NFAM1: variants seen among roughly 807,000 people sequenced by gnomAD.
The protein encoded by NFAM1 is NFAT activation molecule 1.
A neutral mutation model predicts 29.0 loss-of-function variants in NFAM1; 17 were observed. The observed-to-expected ratio is 0.59, with a 90% CI of 0.40 to 0.88. The LOEUF (loss-of-function observed/expected upper bound fraction) is 0.88. Ranked by LOEUF, NFAM1 falls within the 40% of genes least tolerant of loss-of-function variation. NFAM1 has a pLI of 0.00. For synonymous variants in NFAM1, 175 were observed against 147.2 expected (o/e 1.19, Z -1.36); for missense variants, 324 against 344.6 (o/e 0.94, Z 0.47).
intron 1 of NFAM1, among the ~76,000 whole-genome samples, chr22:42,427,008 T>C (rs1420525932): frequency 6.6e-6 from 1 of 152,024 alleles, no homozygotes; most frequent in East Asian, 1.9e-4. Context: ...TTCAGCGTAC[T>C]CCAGAGACTT....
intron 1 of NFAM1, among the ~76,000 whole-genome samples, chr22:42,412,233 A>C (rs1268078274): frequency 6.6e-6 from 1 of 151,974 alleles, no homozygotes; most frequent in Admixed American, 6.6e-5. Context: ...AGTCCGTCTC[A>C]GAAAAAAAAA....
chr22:42,388,764 TGG>T lies in NFAM1; in HGVS notation c.664-1688_664-1687del, dbSNP rs1388515206. Among the ~76,000 whole-genome samples, 2 of 152,072 alleles carry T rather than the reference TGG, an allele frequency of 1.3e-5. No individual in the cohort carries two copies. Among genetic ancestry groups the T allele is most frequent in the Middle Eastern group, 6.3e-3 (2 of 316 alleles). On this transcript the variant is annotated intron_variant, in intron 4 of 5. Coordinates refer to ENST00000329021, the MANE Select transcript of NFAM1 (RefSeq NM_145912.8). This position sits in a 1 kb window ranked among gnomAD's most constrained non-coding sequence, Gnocchi z 4.1. ...TCAAGGGCATCAGACATGGGGATGG[TGG>T]GGCGGCCCTGAGGACGAGTTCAAGG... is the stretch of plus-strand genomic sequence containing the variant.
intron 1 of NFAM1, among the ~76,000 whole-genome samples, chr22:42,431,748 C>G (rs757791542): frequency 6.6e-6 from 1 of 152,164 alleles, no homozygotes; most frequent in Non-Finnish European, 1.5e-5. Flanking sequence ...TGCCTCTGGG[C>G]GCAGAGCCCT....
upstream of NFAM1, among the ~76,000 whole-genome samples, chr22:42,434,624 C>T (rs186020359): frequency 7.9e-5 from 12 of 152,308 alleles, no homozygotes; most frequent in East Asian, 7.7e-4. Flanking sequence ...AAAACCGCAG[C>T]GCATCCAGGA....
intron 1 of NFAM1, among the ~76,000 whole-genome samples, chr22:42,422,234 C>T (rs556101392): frequency 2.6e-5 from 4 of 152,146 alleles, no homozygotes; most frequent in African/African-American, 4.8e-5. Flanking sequence ...AAGTGCAGAA[C>T]GTCCAAGGTT....
rs534539376 is a variant in NFAM1, at chr22:42,417,640, G to A, written c.122-5904C>T. Among the ~76,000 whole-genome samples the A allele has an allele frequency of 1.6e-4, 24 of 152,296 alleles. 1 individual carries two copies. The South Asian group carries it at 5.0e-3, about 32-fold the overall frequency. Reference sequence around the variant, plus strand: ...TTGGGGCAGAGAGTGAGGAGGGGCTGGTGAGGACCTGAACTCTCCTGCCTG... The same window carrying A: ...TTGGGGCAGAGAGTGAGGAGGGGCTAGTGAGGACCTGAACTCTCCTGCCTG... On this transcript the variant is annotated intron_variant, in intron 1 of 5. Coordinates refer to ENST00000329021, the MANE Select transcript of NFAM1 (RefSeq NM_145912.8).
chr22:42,408,931 G>C (rs977171373), intron 3 of NFAM1, among the ~76,000 whole-genome samples: 4 of 152,172 alleles, frequency 2.6e-5, no homozygotes, highest in Admixed American at 2.6e-4. Flanking sequence ...CTGTGAAATG[G>C]GAAAAAACCT....
In NFAM1 at chr22:42,385,348, C is replaced by G. The variant is rs1455757225; in HGVS notation, c.754-128G>C. The G allele has an allele frequency of 4.2e-6, 3 of 719,126 alleles. No homozygotes were observed. The Admixed American group carries it at 6.0e-5, about 14-fold the overall frequency. The allele number at this position is 719,126 out of a possible 1,614,324, so 44.5% of individuals were successfully genotyped here. The stretch of plus-strand genomic sequence containing the variant: ...CTTCCTGTGTAGCTTTGATGGGGGG[C>G]CTGCCCTCTGTCTCCAAGCCCACCT... On this transcript the variant is annotated intron_variant, in intron 5 of 5. Coordinates refer to ENST00000329021, the MANE Select transcript of NFAM1 (RefSeq NM_145912.8).
chr22:42,412,234 GA>G (rs899410708), intron 1 of NFAM1, among the ~76,000 whole-genome samples: 78 of 143,082 alleles, frequency 5.5e-4, no homozygotes, highest in Non-Finnish European at 4.3e-4. Context: ...GTCCGTCTCA[GA>G]AAAAAAAAAA....
At chr22:42,387,245 C>A (rs1004046844) in intron 4 of NFAM1, among the ~76,000 whole-genome samples, 167 bp from the exon 5 acceptor site, 4 of 152,116 alleles carry the variant, frequency 2.6e-5, no homozygotes, top group African/African-American at 9.7e-5. Context: ...AGTCACCTTT[C>A]CCCTTCCCTG....
At chr22:42,404,277 G>A (rs1007678435) in intron 3 of NFAM1, among the ~76,000 whole-genome samples, 1 of 152,018 alleles carries the variant, frequency 6.6e-6, no homozygotes. Context: ...GCTGCCAACC[G>A]CGGTTCGGGT....
At chr22:42,410,223 C>A in intron 2 of NFAM1, 1 of 197,826 alleles carries the variant, frequency 5.1e-6, no homozygotes, top group Non-Finnish European at 1.1e-5. Context: ...ATCGGGCAAG[C>A]AGCAGGACAG....
chr22:42,405,623 C>T (rs761690101), intron 3 of NFAM1, among the ~76,000 whole-genome samples: 38 of 152,278 alleles, frequency 2.5e-4, no homozygotes, highest in Admixed American at 5.9e-4. Flanking sequence ...CAGCCTGAAG[C>T]CAGTGGGTCT....
At chr22:42,417,323 G>A (rs138764804) in intron 1 of NFAM1, among the ~76,000 whole-genome samples, 1 of 152,168 alleles carries the variant, frequency 6.6e-6, no homozygotes, top group East Asian at 1.9e-4. Context: ...GCTGAGTTTT[G>A]CCAGGAGAAA....
intron 5 of NFAM1, among the ~76,000 whole-genome samples, chr22:42,386,137 G>A (rs1307992299): frequency 6.6e-6 from 1 of 152,124 alleles, no homozygotes; most frequent in Non-Finnish European, 1.5e-5. Context: ...CACTTTGGGA[G>A]GCTGAGGTGG....
intron 3 of NFAM1, among the ~76,000 whole-genome samples, chr22:42,405,493 A>G (rs17003041): frequency 0.028 from 4,255 of 152,218 alleles, 203 homozygotes; most frequent in African/African-American, 0.099. Flanking sequence ...TGCTATCATC[A>G]TGGGAAAAGC....
At position 42,411,739 on chromosome 22, in the gene NFAM1, G is replaced by A. The variant is rs919982744; in HGVS notation, c.122-3C>T. 1 of 1,609,408 alleles carries A rather than the reference G, an allele frequency of 6.2e-7. No homozygotes were observed. Among genetic ancestry groups the A allele is most frequent in the Non-Finnish European group, 8.5e-7 (1 of 1,176,122 alleles). On this transcript the variant is annotated splice_region_variant and splice_polypyrimidine_tract_variant and intron_variant, in intron 1 of 5. Transcript: ENST00000329021. ...GGTGTGGGTCACTGACTGTCCTCCT[G>A]GAGGGGAAGCAAAGGGAGAGAGCAA...
chr22:42,412,476 C>T (rs1569232451), intron 1 of NFAM1, among the ~76,000 whole-genome samples: 1 of 152,192 alleles, frequency 6.6e-6, no homozygotes, highest in African/African-American at 2.4e-5. Flanking sequence ...GAGAGTGGAG[C>T]TACAACCCCA....
intron 2 of NFAM1, chr22:42,410,441 C>G (rs1481520215): frequency 2.6e-6 from 1 of 381,894 alleles, no homozygotes; most frequent in African/African-American, 2.1e-5. Context: ...GGGCGGATCA[C>G]TTGAGGTCAG....
Sources: gnomAD v4.1 joint callset for allele counts (sites outside exome capture counted in the v4.1 genomes callset) on GRCh38, gnomAD v4.1.1 for gene constraint, Gnocchi (gnomAD v3.1) non-coding constraint, MANE v1.5 for transcripts, NCBI Gene and HGNC (gene_info 2026-07-23, HGNC 2026-07-21) for gene names.